The following PTPRQ variants were observed in gnomAD, a reference collection of about 807,000 sequenced individuals.
PTPRQ encodes the protein phosphatidylinositol phosphatase PTPRQ.
A neutral mutation model predicts 246.0 loss-of-function variants in PTPRQ; 199 were observed. The observed-to-expected ratio is 0.81, with a 90% CI of 0.72 to 0.91. PTPRQ has a LOEUF of 0.91. PTPRQ is among the 40% of genes least tolerant of loss of function. The pLI, the probability that PTPRQ is intolerant of heterozygous loss-of-function variation, is 0.00. For missense variants in PTPRQ, 2,624 were observed against 2,528.4 expected, an observed-to-expected ratio of 1.04 and a Z score of -0.81; for synonymous variants, 869 against 853.2, an observed-to-expected ratio of 1.02 and a Z score of -0.32.
rs1173678581 is a variant in PTPRQ at position 80,546,695 on chromosome 12, C to A, written c.4013C>A (p.Ser1338Ter). The change falls in exon 24 of 45, where the codon TCA (serine) becomes TAA (stop). Residue 1338 changes from serine to a stop codon, truncating the protein, a stop_gained and splice_region_variant. Transcript: ENST00000644991. LOFTEE classifies it high-confidence loss of function. ...GTAGTAAAATTCACAACCCAAGAAT[C>A]AGGTTAGATACAGTTTTTGAGCCTA... ...SNVVKFTTQE[S>*]VPDVVQNMQC... The A allele has an allele frequency of 6.5e-7, 1 of 1,550,328 alleles. No individual in the cohort carries two copies. The highest frequency in any genetic ancestry group is 1.2e-5 in the South Asian group (1 of 83,600).
At chr12:80,591,518 A>G (rs1176371219) in intron 26 of PTPRQ, among the ~76,000 whole-genome samples, 1 of 152,156 alleles carries the variant, frequency 6.6e-6, no homozygotes, top group Non-Finnish European at 1.5e-5. Context: ...ATTAAGTTCT[A>G]GTGGGTAGGA....
chr12:80,631,854 T>C (rs968322605), intron 33 of PTPRQ, among the ~76,000 whole-genome samples: 1 of 152,180 alleles, frequency 6.6e-6, no homozygotes, highest in African/African-American at 2.4e-5. Flanking sequence ...ATTTTAAGTA[T>C]ACTTCAAAAT....
chr12:80,477,009 AG>A (rs1893830824), intron 8 of PTPRQ, among the ~76,000 whole-genome samples: 1 of 152,158 alleles, frequency 6.6e-6, no homozygotes, highest in Admixed American at 6.5e-5. Context: ...AATGATCAAA[AG>A]CCCAGGGGAT....
chr12:80,558,249 C>T (rs1263582680), intron 25 of PTPRQ, among the ~76,000 whole-genome samples: 1 of 151,130 alleles, frequency 6.6e-6, no homozygotes, highest in African/African-American at 2.4e-5. Context: ...CTCACTGCAA[C>T]CTCTGCCTCC....
chr12:80,640,914 A>C (rs966826675), intron 35 of PTPRQ, among the ~76,000 whole-genome samples: 1 of 152,188 alleles, frequency 6.6e-6, no homozygotes, highest in East Asian at 1.9e-4. Context: ...TTAAGTTTGC[A>C]CCTAGATTCC....
intron 27 of PTPRQ, 64 bp downstream of exon 27, chr12:80,605,244 C>A: frequency 1.3e-6 from 2 of 1,502,896 alleles, no homozygotes; most frequent in Non-Finnish European, 1.8e-6. Flanking sequence ...AGATTTGGAA[C>A]CAGACTATTT....
chr12:80,483,457 C>T (rs975036083), intron 8 of PTPRQ, among the ~76,000 whole-genome samples: 3 of 148,970 alleles, frequency 2.0e-5, no homozygotes, highest in Admixed American at 6.7e-5. Flanking sequence ...AGCGCACCAG[C>T]GTGGCACATG....
intron 14 of PTPRQ, among the ~76,000 whole-genome samples, chr12:80,503,328 G>A (rs1347140234): frequency 6.6e-6 from 1 of 151,770 alleles, no homozygotes; most frequent in Non-Finnish European, 1.5e-5. Context: ...CAGATAGAAA[G>A]GATAGTGGAA....
chr12:80,514,400 ACACT>A (rs1361333602), intron 17 of PTPRQ, among the ~76,000 whole-genome samples: 114 of 47,880 alleles, frequency 2.4e-3, no homozygotes, highest in East Asian at 0.019. Context: ...ACACACACAC[ACACT>A]CTCTCTCTCT....
At position 80,523,459 on chromosome 12, in the gene PTPRQ, G is replaced by C. The variant is rs1345012132; in HGVS notation, c.2679-10556G>C. Among the ~76,000 whole-genome samples, 10 of 151,818 alleles carry C rather than the reference G, an allele frequency of 6.6e-5. 1 individual carries two copies. The East Asian group carries it at 1.9e-3, about 29-fold the overall frequency. ...CTAGTTCTTTTGATTGTGATGTTAGGGTGTCAATTTTAGATCTTTCCTGCT... is the reference window on the plus strand; with the variant it reads ...CTAGTTCTTTTGATTGTGATGTTAGCGTGTCAATTTTAGATCTTTCCTGCT... On this transcript the variant is annotated intron_variant, in intron 17 of 44. Coordinates refer to ENST00000644991, the MANE Select transcript of PTPRQ (RefSeq NM_001145026.2).
chr12:80,673,370 C>T, intron 43 of PTPRQ, 66 bp downstream of exon 43: 1 of 1,510,214 alleles, frequency 6.6e-7, no homozygotes, highest in Non-Finnish European at 8.9e-7. Flanking sequence ...ATCTTAGTGG[C>T]AGCAATCTGG....
intron 25 of PTPRQ, among the ~76,000 whole-genome samples, chr12:80,557,177 A>G (rs1006258330): frequency 2.6e-5 from 4 of 152,246 alleles, no homozygotes; most frequent in African/African-American, 7.2e-5. Flanking sequence ...TCAATGGCCC[A>G]TAAAGCCCTT....
chr12:80,586,584 G>T (rs1006403352), intron 25 of PTPRQ: 1 of 152,086 alleles, frequency 6.6e-6, no homozygotes, highest in Non-Finnish European at 1.5e-5. Context: ...CTGCTATAAA[G>T]GAATTTAGTA....
At chr12:80,463,062 C>A (rs1188145098) in intron 6 of PTPRQ, among the ~76,000 whole-genome samples, 1 of 152,118 alleles carries the variant, frequency 6.6e-6, no homozygotes. Context: ...GACGATCAAA[C>A]TACTCCGAGC....
intron 25 of PTPRQ, among the ~76,000 whole-genome samples, chr12:80,587,003 G>A (rs979828656): frequency 2.0e-5 from 3 of 152,098 alleles, no homozygotes; most frequent in African/African-American, 7.2e-5. Context: ...GAAGGTCTGG[G>A]AGCCAGTACC....
Position 80,546,622 on chromosome 12 carries a change from C to T in PTPRQ, c.3940C>T (p.Arg1314Cys), listed in dbSNP as rs774879303. Reference sequence around the variant, plus strand: ...GGAACCAGTCAGCACCTACTCTATCCGTGTATCTGCGTTCACCAAAGTTGG... The same window carrying T: ...GGAACCAGTCAGCACCTACTCTATCTGTGTATCTGCGTTCACCAAAGTTGG... The part of the protein sequence containing the change: ...GLEPVSTYSI[R>C]VSAFTKVGNG... Residue 1314 changes from arginine (R) to cysteine (C), a missense_variant, in exon 24 of 45, where the codon CGT (arginine) becomes TGT (cysteine). Coordinates refer to ENST00000644991, the MANE Select transcript of PTPRQ (RefSeq NM_001145026.2). The T allele has an allele frequency of 9.7e-6, 15 of 1,551,254 alleles. No homozygotes were observed. In the South Asian group the frequency reaches 1.1e-4, roughly 11 times the overall value.
intron 43 of PTPRQ, among the ~76,000 whole-genome samples, chr12:80,677,521 CTTA>C (rs1369187453): frequency 6.6e-6 from 1 of 152,164 alleles, no homozygotes; most frequent in Non-Finnish European, 1.5e-5. Flanking sequence ...TCAACAAACA[CTTA>C]TTATACAACT....
intron 3 of PTPRQ, among the ~76,000 whole-genome samples, chr12:80,454,862 A>T (rs1592522792): frequency 6.6e-6 from 1 of 152,370 alleles, no homozygotes; most frequent in South Asian, 2.1e-4. Context: ...CAAAAAAGTC[A>T]CTAAGCTAAA....
At chr12:80,533,600 A>G (rs1895904940) in intron 17 of PTPRQ, among the ~76,000 whole-genome samples, 1 of 151,978 alleles carries the variant, frequency 6.6e-6, no homozygotes, top group South Asian at 2.1e-4. Context: ...TTTGTACGAT[A>G]TTTGAAGGAT....
Sources: allele counts gnomAD v4.1 joint callset (sites outside exome capture counted in the v4.1 genomes callset), GRCh38; gene constraint gnomAD v4.1.1; transcripts MANE v1.5; gene names NCBI Gene and HGNC (gene_info 2026-07-23, HGNC 2026-07-21).